The following XIRP2 variants were observed in gnomAD, a reference collection of about 807,000 sequenced individuals.
The protein encoded by XIRP2 is xin actin-binding repeat-containing protein 2.
In XIRP2, 236 loss-of-function variants were observed where a neutral mutation model predicts 277.0. The observed-to-expected ratio is 0.85, with a 90% confidence interval of 0.77 to 0.95. The LOEUF is 0.95. XIRP2 is among the 40% of genes least tolerant of loss of function. The pLI is 0.00. For synonymous variants in XIRP2, 1,490 were observed against 1,416.5 expected (o/e 1.05, Z -1.17); for missense variants, 4,640 against 4,157.5 (o/e 1.12, Z -3.19).
intron 2 of XIRP2, among the ~76,000 whole-genome samples, chr2:167,000,933 G>A (rs1433973168): frequency 6.6e-6 from 1 of 152,100 alleles, no homozygotes; most frequent in Non-Finnish European, 1.5e-5. Context: ...TGTAGTACCA[G>A]CTACTTGGGA....
At chr2:167,016,221 A>G (rs1427663352) in intron 2 of XIRP2, among the ~76,000 whole-genome samples, 2 of 151,592 alleles carry the variant, frequency 1.3e-5, no homozygotes, top group Non-Finnish European at 2.9e-5. Context: ...TCCAATCAAT[A>G]CAATAACAAT....
At chr2:167,053,763 A>G (rs1162643267) in intron 2 of XIRP2, among the ~76,000 whole-genome samples, 4 of 152,188 alleles carry the variant, frequency 2.6e-5, no homozygotes, top group Non-Finnish European at 2.9e-5. Flanking sequence ...GTAACTTCCA[A>G]TTATTGCCCT....
intron 2 of XIRP2, among the ~76,000 whole-genome samples, chr2:167,097,814 T>A (rs1367725040): frequency 6.6e-6 from 1 of 152,204 alleles, no homozygotes; most frequent in Non-Finnish European, 1.5e-5. Context: ...TGAAGCTTAG[T>A]TTGGCTGGAT....
chr2:166,913,247 C>T lies in XIRP2; in HGVS notation c.408+9357C>T, dbSNP rs578129662. 4.2e-3 allele frequency among the ~76,000 whole-genome samples: 635 copies of T among 152,198 alleles called. 4 individuals carry two copies. The highest frequency in any genetic ancestry group is 0.014 in the African/African-American group (586 of 41,538). ...GCAGGCCTCCTTGAGCTGCGGTGGG[C>T]TCCACCCAGTTCGAGCTTCCTGGCC... On this transcript the variant is annotated intron_variant, in intron 2 of 10. Coordinates refer to ENST00000409195, the MANE Select transcript of XIRP2 (RefSeq NM_152381.6).
intron 2 of XIRP2, among the ~76,000 whole-genome samples, chr2:166,986,496 T>A (rs774671675): frequency 1.3e-5 from 2 of 152,214 alleles, no homozygotes; most frequent in Admixed American, 6.5e-5. Context: ...GCTATGATAG[T>A]TAGGTATATG....
chr2:166,922,381 GT>G (rs1685069257), intron 2 of XIRP2, among the ~76,000 whole-genome samples: 1 of 152,066 alleles, frequency 6.6e-6, no homozygotes, highest in Non-Finnish European at 1.5e-5. Flanking sequence ...AAATTATGAA[GT>G]GTTTCAGCCA....
At chr2:166,964,656 A>C (rs1558932021) in intron 2 of XIRP2, among the ~76,000 whole-genome samples, 1 of 151,850 alleles carries the variant, frequency 6.6e-6, no homozygotes, top group Non-Finnish European at 1.5e-5. Flanking sequence ...CATCTTCATA[A>C]ACCAACTGGG....
intron 2 of XIRP2, among the ~76,000 whole-genome samples, chr2:167,049,071 T>C (rs746900578): frequency 6.6e-6 from 1 of 151,910 alleles, no homozygotes; most frequent in Non-Finnish European, 1.5e-5. Context: ...GGAAAAGTAG[T>C]ATACAAATTT....
intron 3 of XIRP2, among the ~76,000 whole-genome samples, chr2:167,173,078 T>A (rs1472749220): frequency 6.6e-6 from 1 of 152,226 alleles, no homozygotes; most frequent in East Asian, 1.9e-4. Context: ...GGTCCCTGAC[T>A]TCCTTCAACA....
intron 2 of XIRP2, among the ~76,000 whole-genome samples, chr2:167,074,091 G>A (rs936923200): frequency 1.3e-5 from 2 of 152,100 alleles, no homozygotes; most frequent in Non-Finnish European, 2.9e-5. Flanking sequence ...AAACTTTAGA[G>A]TCATGTAAAT....
chr2:166,927,646 C>T lies in XIRP2; in HGVS notation c.408+23756C>T, dbSNP rs113904082. Reference sequence around the variant, plus strand: ...TCTTTGTTTATTACAGTGGGACAACCAAGATCATCTCAGCTAAACCCTTTA... The same window carrying T: ...TCTTTGTTTATTACAGTGGGACAACTAAGATCATCTCAGCTAAACCCTTTA... On this transcript the variant is annotated intron_variant, in intron 2 of 10. Transcript: ENST00000409195. Among the ~76,000 whole-genome samples the T allele has an allele frequency of 2.6e-3, 401 of 152,224 alleles. 2 individuals are homozygous for T. The highest frequency in any genetic ancestry group is 8.7e-3 in the African/African-American group (360 of 41,550).
chr2:166,925,127 A>C (rs894577116), intron 2 of XIRP2, among the ~76,000 whole-genome samples: 1 of 152,052 alleles, frequency 6.6e-6, no homozygotes, highest in Non-Finnish European at 1.5e-5. Flanking sequence ...TATTTATCAA[A>C]AGTCATGTCA....
intron 2 of XIRP2, among the ~76,000 whole-genome samples, chr2:167,104,353 A>T (rs1455552365): frequency 6.6e-6 from 1 of 152,136 alleles, no homozygotes; most frequent in African/African-American, 2.4e-5. Context: ...CCCCCTTAGT[A>T]CTTCCACCAA....
intron 2 of XIRP2, among the ~76,000 whole-genome samples, chr2:167,069,974 C>A (rs1439740275): frequency 2.6e-5 from 4 of 151,994 alleles, no homozygotes; most frequent in Admixed American, 6.6e-5. Flanking sequence ...TTTAAAAAAT[C>A]ATACACTTAA....
At position 166,894,568 on chromosome 2, in the gene XIRP2, G is replaced by T. The variant is rs998626209; in HGVS notation, c.-19+6011G>T. Among the ~76,000 whole-genome samples the T allele has an allele frequency of 2.6e-5, 4 of 152,220 alleles. No homozygotes were observed. The East Asian group carries it at 7.7e-4, about 29-fold the overall frequency. On this transcript the variant is annotated intron_variant, in intron 1 of 10. Coordinates refer to ENST00000409195, the MANE Select transcript of XIRP2 (RefSeq NM_152381.6). Reference sequence around the variant, plus strand: ...TACTGAGTTGGAGTGAATCCCAGGGGAGCTATTGCTCCAAGTATTAATTCT... The same window carrying T: ...TACTGAGTTGGAGTGAATCCCAGGGTAGCTATTGCTCCAAGTATTAATTCT...
chr2:167,111,502 C>A lies in XIRP2; in HGVS notation c.409-24407C>A, dbSNP rs74669592. Among the ~76,000 whole-genome samples the A allele has an allele frequency of 1.9e-3, 296 of 152,224 alleles. 9 individuals are homozygous for A. The East Asian group carries it at 0.05, about 26-fold the overall frequency. On this transcript the variant is annotated intron_variant, in intron 2 of 10. Transcript: ENST00000409195. ...TATGGATTTGCATGTGTTGAACCAA[C>A]CTTATCTACCAGTCATAAACTCTAT...
chr2:167,020,681 A>G (rs1687958495), intron 2 of XIRP2, among the ~76,000 whole-genome samples: 1 of 152,018 alleles, frequency 6.6e-6, no homozygotes, highest in South Asian at 2.1e-4. Flanking sequence ...ATACTGGACA[A>G]ACACAGATGG....
At chr2:167,111,364 T>C (rs1690749957) in intron 2 of XIRP2, among the ~76,000 whole-genome samples, 1 of 152,168 alleles carries the variant, frequency 6.6e-6, no homozygotes, top group Admixed American at 6.5e-5. Flanking sequence ...GCCAAGTTTA[T>C]AGAGGGTTTT....
In XIRP2 at chr2:167,257,852, G is replaced by T. The variant is rs757296151; in HGVS notation, c.*40-5G>T. The T allele has an allele frequency of 1.9e-6, 3 of 1,576,222 alleles. No individual in the cohort carries two copies. The Admixed American group carries it at 5.8e-5, about 31-fold the overall frequency. On this transcript the variant is annotated splice_polypyrimidine_tract_variant and splice_region_variant and intron_variant, in intron 10 of 10. Transcript: ENST00000409195. ...ACTGCTAAGTGTTCTTTTTCTTTTT[G>T]GCAGTTTGGGAAATTATGCATCACT...
Sources: gnomAD v4.1 joint callset for allele counts (sites outside exome capture counted in the v4.1 genomes callset) on GRCh38, gnomAD v4.1.1 for gene constraint, MANE v1.5 for transcripts, NCBI Gene and HGNC (gene_info 2026-07-23, HGNC 2026-07-21) for gene names.